The following WDR35 variants were observed in gnomAD, a reference collection of about 807,000 sequenced individuals.
WDR35 encodes the protein WD repeat-containing protein 35.
WDR35 carries 118 observed loss-of-function variants against 158.3 expected under a neutral mutation model. The ratio of observed to expected loss-of-function variants is 0.75; its 90% CI spans 0.64 to 0.87. The LOEUF (loss-of-function observed/expected upper bound fraction) is 0.87. Ranked by LOEUF, WDR35 falls within the 40% of genes least tolerant of loss-of-function variation. The probability of loss-of-function intolerance (pLI) is 0.00; values close to 1 mark genes in which losing one functional copy is unlikely to be tolerated. For missense variants in WDR35, 1,263 were observed against 1,405.8 expected (o/e 0.90, Z 1.62); for synonymous variants, 448 against 476.1 (o/e 0.94, Z 0.77).
chr2:19,920,996 T>C (rs1182351804), intron 25 of WDR35, among the ~76,000 whole-genome samples: 1 of 151,968 alleles, frequency 6.6e-6, no homozygotes, highest in Non-Finnish European at 1.5e-5. Flanking sequence ...ACAAAGAGAA[T>C]AAAATACCTA....
At position 19,911,085 on chromosome 2, in the gene WDR35, G is replaced by A. The variant is rs1330278521; in HGVS notation, c.*2473C>T. On this transcript the variant is annotated 3_prime_UTR_variant, in exon 27 of 27. Transcript: ENST00000281405. ...AGATCCAGCAACTTAGGATCTACCTGGAATAATTCGTTGGTGGGAAAATTC... is the reference window on the plus strand; with the variant it reads ...AGATCCAGCAACTTAGGATCTACCTAGAATAATTCGTTGGTGGGAAAATTC... The A allele has an allele frequency of 6.6e-6, 1 of 152,128 alleles. No homozygotes were observed. Among genetic ancestry groups the A allele is most frequent in the African/African-American group, 2.4e-5 (1 of 41,422 alleles). 9.4% of individuals were successfully genotyped at this position (152,128 alleles called of 1,614,324 possible).
intron 10 of WDR35, among the ~76,000 whole-genome samples, chr2:19,966,026 G>GT (rs992870200): frequency 5.3e-5 from 8 of 151,940 alleles, no homozygotes; most frequent in South Asian, 2.1e-4. Context: ...TCCCTTTCTG[G>GT]TCCCTATGGG....
At chr2:19,962,959 G>C (rs1671711092) in intron 10 of WDR35, among the ~76,000 whole-genome samples, 1 of 152,068 alleles carries the variant, frequency 6.6e-6, no homozygotes, top group Non-Finnish European at 1.5e-5. Context: ...AAAAATGGCA[G>C]TTCCCCCTAA....
intron 9 of WDR35, among the ~76,000 whole-genome samples, chr2:19,967,422 C>T (rs1455562959): frequency 4.6e-5 from 7 of 152,118 alleles, no homozygotes; most frequent in African/African-American, 1.7e-4. Flanking sequence ...TGCCAAATTT[C>T]CTCTCTCTAG....
In WDR35 at chr2:19,913,955, A is replaced by T. The variant is rs2103377875; in HGVS notation, c.3362+82T>A. On this transcript the variant is annotated intron_variant, in intron 26 of 26. Transcript: ENST00000281405. ...AATTGCTTCAAAATTCAGTGCTTTA[A>T]TTCCTACATTAAACATTGTACATCT... 3 of 1,592,720 alleles carry T rather than the reference A, an allele frequency of 1.9e-6. No individual in the cohort carries two copies. In the South Asian group the frequency reaches 3.4e-5, roughly 18 times the overall value.
In WDR35 at chr2:19,934,024, A is replaced by AACAACCACC. The variant is rs1553316753; in HGVS notation, c.2548-514_2548-513insGGTGGTTGT. ...TTGGAAAGTGGTGGCAGCGAGGAAG[A>AACAACCACC]ACCACCACCACCACCACCACCACCA... On this transcript the variant is annotated intron_variant, in intron 21 of 26. Transcript: ENST00000281405. This position sits in a 1 kb window ranked among gnomAD's most constrained non-coding sequence, Gnocchi z 4.6. Among the ~76,000 whole-genome samples, 1 of 105,072 alleles carries AACAACCACC rather than the reference A, an allele frequency of 9.5e-6. No homozygotes were observed. The highest frequency in any genetic ancestry group is 4.1e-5 in the African/African-American group (1 of 24,134). 68.9% of individuals were successfully genotyped at this position (105,072 alleles called of 152,430 possible). A position where few individuals can be genotyped will look rare whatever the true frequency, so the allele number is the denominator to read the frequency against.
At chr2:19,950,928 T>C (rs938717870) in intron 13 of WDR35, among the ~76,000 whole-genome samples, 1 of 152,218 alleles carries the variant, frequency 6.6e-6, no homozygotes, top group Non-Finnish European at 1.5e-5. Flanking sequence ...TTATAAACAA[T>C]AGGCACTACT....
intron 11 of WDR35, among the ~76,000 whole-genome samples, chr2:19,956,419 A>G (rs1671434243): frequency 6.6e-6 from 1 of 152,178 alleles, no homozygotes. Flanking sequence ...TCTTGGATTC[A>G]AATGACAGGC....
intron 25 of WDR35, among the ~76,000 whole-genome samples, chr2:19,918,500 C>T (rs1014632235): frequency 6.6e-6 from 1 of 151,952 alleles, no homozygotes; most frequent in African/African-American, 2.4e-5. Flanking sequence ...ACCCATCTCA[C>T]GGGCAAAGAC....
chr2:19,928,041 C>T (rs1458469978), intron 25 of WDR35, among the ~76,000 whole-genome samples: 1 of 152,188 alleles, frequency 6.6e-6, no homozygotes, highest in Non-Finnish European at 1.5e-5. Flanking sequence ...TAAACTGGCC[C>T]CAAAACTGGC....
At chr2:19,938,172 C>T in intron 18 of WDR35, 93 bp downstream of exon 18, 1 of 1,550,360 alleles carries the variant, frequency 6.5e-7, no homozygotes, top group East Asian at 2.2e-5. Flanking sequence ...AAGTCTGCTC[C>T]CATCAGGAGG....
chr2:19,983,880 G>T (rs1008732716), intron 2 of WDR35, among the ~76,000 whole-genome samples: 3 of 151,816 alleles, frequency 2.0e-5, no homozygotes, highest in Non-Finnish European at 4.4e-5. Context: ...TTAACACAGG[G>T]TTCTTTCATT....
At chr2:19,935,408 C>CTA in intron 21 of WDR35, 63 bp downstream of exon 21, 1 of 1,569,130 alleles carries the variant, frequency 6.4e-7, no homozygotes, top group Non-Finnish European at 8.7e-7. Flanking sequence ...TATTTCCTGA[C>CTA]TATAACATAA....
At position 19,980,784 on chromosome 2, in the gene WDR35, C is replaced by G; in HGVS notation, c.215-1G>C. ...TTCCATGTTACAACTTGAACAGAAC[C>G]TAGAACATTATAAAACAATTTAGAA... On this transcript the variant is annotated splice_acceptor_variant, in intron 3 of 26. Transcript: ENST00000281405. LOFTEE classifies it high-confidence loss of function. 1 of 1,613,024 alleles carries G rather than the reference C, an allele frequency of 6.2e-7. No individual in the cohort carries two copies. Among genetic ancestry groups the G allele is most frequent in the Non-Finnish European group, 8.5e-7 (1 of 1,179,290 alleles).
Position 19,990,102 on chromosome 2 carries a change from C to T in WDR35, c.-87G>A. 1.9e-6 allele frequency: 3 copies of T among 1,565,310 alleles called. No individual in the cohort carries two copies. In the South Asian group the frequency reaches 3.5e-5, roughly 18 times the overall value. On this transcript the variant is annotated 5_prime_UTR_variant, in exon 1 of 27. Transcript: ENST00000281405. ...TCTCCAATCGGGAGTACCAGCAGCTCCGGAAAGCTCCCGTCGCCCTGGCAA... is the reference window on the plus strand; with the variant it reads ...TCTCCAATCGGGAGTACCAGCAGCTTCGGAAAGCTCCCGTCGCCCTGGCAA...
At position 19,937,919 on chromosome 2, in the gene WDR35, C is replaced by G; in HGVS notation, c.2091G>C (p.Gln697His). 6.2e-7 allele frequency: 1 copy of G among 1,614,112 alleles called. No individual in the cohort carries two copies. Among genetic ancestry groups the G allele is most frequent in the Non-Finnish European group, 8.5e-7 (1 of 1,179,996 alleles). The change falls in exon 19 of 27, where the codon CAG becomes CAC. Residue 697 changes from glutamine to histidine, a missense_variant. Transcript: ENST00000281405. Reference sequence around the variant, plus strand: ...GCTCTGCAGTGTATAGATCCAGTTTCTGAAGAGCTGCTTCAGCCAGTAGGC... The same window carrying G: ...GCTCTGCAGTGTATAGATCCAGTTTGTGAAGAGCTGCTTCAGCCAGTAGGC... ...LWRLLAEAAL[Q>H]KLDLYTAEQA... is the part of the protein sequence containing the mutation.
intron 10 of WDR35, among the ~76,000 whole-genome samples, chr2:19,964,173 A>C (rs938913498): frequency 2.6e-5 from 4 of 152,124 alleles, no homozygotes; most frequent in African/African-American, 9.7e-5. Context: ...TCCTCCCTGA[A>C]AGCTTGTAAG....
At chr2:19,951,974 C>T (rs1368757512) in intron 12 of WDR35, 2 of 154,528 alleles carry the variant, frequency 1.3e-5, no homozygotes, top group Non-Finnish European at 2.9e-5. Flanking sequence ...AGGGGTATCA[C>T]TTTTGGACAT....
In WDR35 at chr2:19,936,316, G is replaced by C; in HGVS notation, c.2317C>G (p.Leu773Val). The C allele has an allele frequency of 6.2e-7, 1 of 1,614,050 alleles. No individual in the cohort carries two copies. ...CCAGATCCAGTTTTCAGGAGCTGGAGTACTCTAAACCAATCCCCCAATTTC... is the reference window on the plus strand; with the variant it reads ...CCAGATCCAGTTTTCAGGAGCTGGACTACTCTAAACCAATCCCCCAATTTC... ...RLKLGDWFRV[L>V]QLLKTGSGDA... Residue 773 changes from leucine (L) to valine (V), a missense_variant, in exon 20 of 27, where the codon CTC (leucine) becomes GTC (valine). Physicochemically the swap from Leu to Val is conservative, Grantham distance 32. Transcript: ENST00000281405.
Sources: allele counts gnomAD v4.1 joint callset (sites outside exome capture counted in the v4.1 genomes callset), GRCh38; gene constraint gnomAD v4.1.1; non-coding constraint Gnocchi (gnomAD v3.1); transcripts MANE v1.5; gene names NCBI Gene and HGNC (gene_info 2026-07-23, HGNC 2026-07-21).